The following NAA15 variants were observed in gnomAD, a reference collection of about 807,000 sequenced individuals.
NAA15 encodes the protein N-terminal acetyltransferase.
In NAA15, 34 loss-of-function variants were observed where a neutral mutation model predicts 114.0. The observed-to-expected ratio is 0.30, with a 90% CI of 0.23 to 0.40. The LOEUF (loss-of-function observed/expected upper bound fraction) is 0.40. Among genes scored for constraint, NAA15 ranks in the 10% least tolerant of loss-of-function variants. The pLI is 1.00. For missense variants in NAA15, 658 were observed against 1,004.5 expected, an observed-to-expected ratio of 0.66 and a Z score of 4.66; for synonymous variants, 340 against 338.0, an observed-to-expected ratio of 1.01 and a Z score of -0.06.
intron 1 of NAA15, among the ~76,000 whole-genome samples, chr4:139,322,015 G>T (rs563764456): frequency 6.6e-6 from 1 of 152,126 alleles, no homozygotes; most frequent in Non-Finnish European, 1.5e-5. Flanking sequence ...TTAATGTCTG[G>T]ATCCTCTTGC....
intron 1 of NAA15, among the ~76,000 whole-genome samples, chr4:139,330,845 G>C (rs1408218353): frequency 6.6e-6 from 1 of 152,034 alleles, no homozygotes; most frequent in Admixed American, 6.6e-5. Flanking sequence ...TGGGTATATA[G>C]TTGGTTGTAA....
At chr4:139,309,909 T>C (rs1002723721) in intron 1 of NAA15, among the ~76,000 whole-genome samples, 6 of 152,240 alleles carry the variant, frequency 3.9e-5, no homozygotes, top group Middle Eastern at 3.4e-3. Flanking sequence ...TGGGTCATTA[T>C]TGGGGCTCAA....
chr4:139,350,635 C>T (rs2110932782), intron 7 of NAA15, among the ~76,000 whole-genome samples: 1 of 152,242 alleles, frequency 6.6e-6, no homozygotes, highest in South Asian at 2.1e-4. Context: ...TACTTTGTAA[C>T]AAAGATTCTC....
rs1430394676 is a variant in NAA15, at chr4:139,351,098, A to G, written c.812-93A>G. 7.3e-6 allele frequency: 4 copies of G among 551,346 alleles called. No homozygotes were observed. The East Asian group carries it at 1.2e-4, about 17-fold the overall frequency. The allele number at this position is 551,346 out of a possible 1,614,324, so 34.2% of individuals were successfully genotyped here. A position where few individuals can be genotyped will look rare whatever the true frequency, so the allele number is the denominator to read the frequency against. On this transcript the variant is annotated intron_variant, in intron 7 of 19. Transcript: ENST00000296543. Reference sequence around the variant, plus strand: ...TAATTCCAATTTTCTTTTAAATATTAGAATTTTAATATACTTTGAGAAGTT... The same window carrying G: ...TAATTCCAATTTTCTTTTAAATATTGGAATTTTAATATACTTTGAGAAGTT...
chr4:139,387,134 C>G (rs538031230), intron 19 of NAA15, among the ~76,000 whole-genome samples: 1 of 152,166 alleles, frequency 6.6e-6, no homozygotes, highest in Non-Finnish European at 1.5e-5. Flanking sequence ...AATCTAGGTC[C>G]TTTGTAACCT....
chr4:139,375,254 T>C (rs1236463236), intron 15 of NAA15, among the ~76,000 whole-genome samples: 1 of 152,214 alleles, frequency 6.6e-6, no homozygotes, highest in Non-Finnish European at 1.5e-5. Context: ...ATCTCTTGGT[T>C]CCTGAATCCA....
chr4:139,337,820 T>G (rs766722119), intron 3 of NAA15, among the ~76,000 whole-genome samples: 1 of 152,206 alleles, frequency 6.6e-6, no homozygotes, highest in Non-Finnish European at 1.5e-5. Context: ...AGATACTGAT[T>G]AGAAACATTT....
intron 1 of NAA15, among the ~76,000 whole-genome samples, chr4:139,311,237 A>C (rs1746214826): frequency 6.6e-6 from 1 of 151,934 alleles, no homozygotes; most frequent in Admixed American, 6.6e-5. Context: ...TCCACAATTA[A>C]AATGTAGGGT....
intron 2 of NAA15, among the ~76,000 whole-genome samples, chr4:139,335,215 T>G (rs988461846): frequency 6.6e-6 from 1 of 152,166 alleles, no homozygotes; most frequent in Non-Finnish European, 1.5e-5. Context: ...TCTCTCTTTT[T>G]CCATATTAAA....
At chr4:139,367,774 A>G (rs895714277) in intron 14 of NAA15, among the ~76,000 whole-genome samples, 1 of 152,204 alleles carries the variant, frequency 6.6e-6, no homozygotes, top group Non-Finnish European at 1.5e-5. Flanking sequence ...TTTCAAAACC[A>G]TCAAGCCCCT....
intron 1 of NAA15, among the ~76,000 whole-genome samples, chr4:139,332,586 T>G (rs1359879897): frequency 6.8e-4 from 85 of 125,368 alleles, no homozygotes; most frequent in African/African-American, 2.6e-3. Flanking sequence ...TTTTTTTTTT[T>G]TTTTTTTTTT....
chr4:139,371,122 T>G (rs893690613), intron 15 of NAA15, among the ~76,000 whole-genome samples: 1 of 152,196 alleles, frequency 6.6e-6, no homozygotes, highest in Non-Finnish European at 1.5e-5. Flanking sequence ...TAAAGCAATA[T>G]AGGAAGCAGT....
intron 1 of NAA15, among the ~76,000 whole-genome samples, chr4:139,321,638 A>ATTT (rs35673045): frequency 2.9e-4 from 38 of 132,526 alleles, no homozygotes; most frequent in African/African-American, 5.6e-4. Context: ...CGCCTGGCTA[A>ATTT]TTTTTTTTTT....
intron 6 of NAA15, among the ~76,000 whole-genome samples, chr4:139,347,040 TC>T (rs1747608064): frequency 6.9e-6 from 1 of 145,286 alleles, no homozygotes; most frequent in South Asian, 2.4e-4. Context: ...ACCCCCAGCC[TC>T]CCACTACAGG....
chr4:139,307,687 A>ACAGCATGCT (rs1375481006), intron 1 of NAA15, among the ~76,000 whole-genome samples: 2 of 152,236 alleles, frequency 1.3e-5, no homozygotes, highest in African/African-American at 4.8e-5. Context: ...CGTTTTGGAC[A>ACAGCATGCT]CAGCATGCTT....
At chr4:139,349,146 A>C (rs1747696072) in intron 6 of NAA15, among the ~76,000 whole-genome samples, 2 of 152,138 alleles carry the variant, frequency 1.3e-5, no homozygotes. Context: ...TGATATCAGG[A>C]ATAATTGAGG....
At chr4:139,373,141 C>A (rs1748490765) in intron 15 of NAA15, among the ~76,000 whole-genome samples, 1 of 152,100 alleles carries the variant, frequency 6.6e-6, no homozygotes, top group Admixed American at 6.5e-5. Context: ...CTCAGCCTCC[C>A]AAAGTGCTGG....
chr4:139,302,253 G>A (rs34595150), intron 1 of NAA15: 20,522 of 177,138 alleles, frequency 0.12, 1,602 homozygotes, highest in Non-Finnish European at 0.16. Flanking sequence ...GATGCAGCAG[G>A]CTCATTCATT....
At chr4:139,354,222 TTG>T (rs1747869847) in intron 10 of NAA15, 124 bp downstream of exon 10, 1 of 675,782 alleles carries the variant, frequency 1.5e-6, no homozygotes, top group South Asian at 1.9e-5. Context: ...TTTTTTCTCT[TTG>T]AGAGGGAGAT....
Sources: gnomAD v4.1 joint callset for allele counts (sites outside exome capture counted in the v4.1 genomes callset) on GRCh38, gnomAD v4.1.1 for gene constraint, MANE v1.5 for transcripts, NCBI Gene and HGNC (gene_info 2026-07-23, HGNC 2026-07-21) for gene names.